Variants in XDH observed in about 807,000 individuals in gnomAD.
XDH encodes xanthine dehydrogenase, also known as xanthine dehydrogenase/oxidase.
XDH carries 138 observed loss-of-function variants against 156.1 expected under a neutral mutation model. The observed-to-expected ratio is 0.88, with a 90% CI of 0.77 to 1.02. XDH has a LOEUF of 1.02. Ranked by LOEUF, XDH falls within the 50% of genes least tolerant of loss-of-function variation. The probability of loss-of-function intolerance (pLI) is 0.00; values close to 1 mark genes in which losing one functional copy is unlikely to be tolerated. For missense variants in XDH, 1,849 were observed against 1,684.9 expected, an observed-to-expected ratio of 1.10 and a Z score of -1.71; for synonymous variants, 669 against 625.7, an observed-to-expected ratio of 1.07 and a Z score of -1.03.
At position 31,350,179 on chromosome 2, in the gene XDH, G is replaced by A. The variant is rs200911206; in HGVS notation, c.2676C>T (p.Ile892=). ...ALFHMDNCYK[I]PNIRGTGRLC... ...GCCGCCCAGTGCCCCGGATGTTGGG[G>A]ATTTTATAGCAGTTGTCCATGTGGA... is the stretch of plus-strand genomic sequence containing the variant. Residue 892 remains isoleucine, a synonymous_variant, in exon 25 of 36, where the codon ATC becomes ATT. Coordinates refer to ENST00000379416, the MANE Select transcript of XDH (RefSeq NM_000379.4). 20 of 1,614,178 alleles carry A rather than the reference G, an allele frequency of 1.2e-5. No homozygotes were observed. In the African/African-American group the frequency reaches 2.7e-4, roughly 22 times the overall value.
At chr2:31,382,685 G>T (rs1037593102) in intron 11 of XDH, among the ~76,000 whole-genome samples, 4 of 152,308 alleles carry the variant, frequency 2.6e-5, no homozygotes, top group East Asian at 3.9e-4. Flanking sequence ...GCTCAGGAAG[G>T]GGGAGGGAGG....
Position 31,337,820 on chromosome 2 carries a change from GAA to G in XDH, c.3775-5_3775-4del, listed in dbSNP as rs1685007873. ...AAGAGGGGCGGCTCTCCAACAGCCTGAACACAGACAGGGCACAGGGCAGGGGC... is the reference window on the plus strand; with the variant it reads ...AAGAGGGGCGGCTCTCCAACAGCCTGCACAGACAGGGCACAGGGCAGGGGC... On this transcript the variant is annotated splice_region_variant and splice_polypyrimidine_tract_variant and intron_variant, in intron 34 of 35. Transcript: ENST00000379416. 6.2e-7 allele frequency: 1 copy of G among 1,613,790 alleles called. No individual in the cohort carries two copies. The highest frequency in any genetic ancestry group is 8.5e-7 in the Non-Finnish European group (1 of 1,179,952).
Position 31,335,817 on chromosome 2 carries a change from C to A in XDH, c.*141G>T. 3.1e-6 allele frequency: 3 copies of A among 966,070 alleles called. No individual in the cohort carries two copies. The South Asian group carries it at 4.1e-5, about 13-fold the overall frequency. 59.8% of individuals were successfully genotyped at this position (966,070 alleles called of 1,614,324 possible). On this transcript the variant is annotated 3_prime_UTR_variant, in exon 36 of 36. Coordinates refer to ENST00000379416, the MANE Select transcript of XDH (RefSeq NM_000379.4). Reference sequence around the variant, plus strand: ...TTTGATCAAAATCTTCCATTGCATTCACTTGTCTTCCAAATCCCATCTTGA... The same window carrying A: ...TTTGATCAAAATCTTCCATTGCATTAACTTGTCTTCCAAATCCCATCTTGA...
chr2:31,404,961 G>T (rs751059195), intron 2 of XDH, among the ~76,000 whole-genome samples: 1 of 152,180 alleles, frequency 6.6e-6, no homozygotes, highest in African/African-American at 2.4e-5. Flanking sequence ...AGACACCCCC[G>T]CTAGGAGAAG....
At chr2:31,360,223 C>T (rs1685740679) in intron 24 of XDH, among the ~76,000 whole-genome samples, 1 of 152,234 alleles carries the variant, frequency 6.6e-6, no homozygotes, top group Non-Finnish European at 1.5e-5. Context: ...GTCGGCCGGG[C>T]AAGGTGGCTC....
intron 26 of XDH, 79 bp downstream of exon 26, chr2:31,349,607 C>T: frequency 1.3e-6 from 2 of 1,504,264 alleles, no homozygotes; most frequent in South Asian, 2.3e-5. Context: ...GAATTATTAG[C>T]TTCCTATATG....
chr2:31,375,338 A>T (rs750686522), intron 15 of XDH, 42 bp downstream of exon 15: 16 of 1,613,514 alleles, frequency 9.9e-6, no homozygotes, highest in Non-Finnish European at 1.2e-5. Flanking sequence ...TATATCCCCA[A>T]ACATGCTACA....
intron 24 of XDH, among the ~76,000 whole-genome samples, chr2:31,351,636 C>T (rs1216894165): frequency 1.3e-5 from 2 of 152,232 alleles, no homozygotes; most frequent in Non-Finnish European, 2.9e-5. Context: ...AAATTTTACT[C>T]CCTCATTTTG....
Position 31,370,424 on chromosome 2 carries a change from G to A in XDH, c.1911C>T (p.Ser637=), listed in dbSNP as rs142197675. The A allele has an allele frequency of 9.0e-5, 145 of 1,614,066 alleles. No individual in the cohort carries two copies. In the African/African-American group the frequency reaches 1.5e-3, roughly 17 times the overall value. The change falls in exon 18 of 36, where the codon TCC becomes TCT. Residue 637 remains serine, a synonymous_variant. Transcript: ENST00000379416. ...TGTTACTCCCAGGAACATCATCAGCGGAAATGAAACAAACAAACCCTGGAA... is the reference window on the plus strand; with the variant it reads ...TGTTACTCCCAGGAACATCATCAGCAGAAATGAAACAAACAAACCCTGGAA... ...KKVPGFVCFI[S]ADDVPGSNIT...
intron 24 of XDH, among the ~76,000 whole-genome samples, chr2:31,361,552 A>G (rs568866889): frequency 6.6e-6 from 1 of 152,314 alleles, no homozygotes; most frequent in Admixed American, 6.5e-5. Context: ...AAGCAGAACA[A>G]AAAACAGAAA....
chr2:31,397,653 G>A lies in XDH; in HGVS notation c.495+15C>T, dbSNP rs183572308. ...TTAGAAGCAGAGACACTGATGTTCT[G>A]GGGTCCCCACTTACCCTGGCAAAGG... On this transcript the variant is annotated intron_variant, in intron 6 of 35. Transcript: ENST00000379416. 3,326 of 1,614,112 alleles carry A rather than the reference G, an allele frequency of 2.1e-3. 18 individuals carry two copies. Among genetic ancestry groups the A allele is most frequent in the Non-Finnish European group, 1.6e-3 (1,903 of 1,179,982 alleles).
rs1334076746 is a variant in XDH at position 31,337,790 on chromosome 2, C to T, written c.3802G>A (p.Ala1268Thr). 2.5e-6 allele frequency: 4 copies of T among 1,614,002 alleles called. No individual in the cohort carries two copies. The highest frequency in any genetic ancestry group is 1.3e-5 in the African/African-American group (1 of 74,904). ...TTGATGGCAAAGAAGATAGAAGCAG[C>T]CAGGAAGAGGGGCGGCTCTCCAACA... is the stretch of plus-strand genomic sequence containing the variant. The part of the protein sequence containing the change: ...KAVGEPPLFL[A>T]ASIFFAIKDA... The change falls in exon 35 of 36, where the codon GCT (alanine) becomes ACT (threonine). Residue 1268 changes from alanine to threonine, a missense_variant. Physicochemically the swap from Ala to Thr is moderately conservative, Grantham distance 58. Transcript: ENST00000379416.
intron 3 of XDH, among the ~76,000 whole-genome samples, chr2:31,402,775 T>C (rs1209229716): frequency 6.6e-6 from 1 of 152,092 alleles, no homozygotes; most frequent in African/African-American, 2.4e-5. Context: ...CTGGGGGCAA[T>C]GAAGAGCTAT....
chr2:31,393,532 C>A (rs1245711434), intron 6 of XDH, among the ~76,000 whole-genome samples: 1 of 152,160 alleles, frequency 6.6e-6, no homozygotes, highest in Non-Finnish European at 1.5e-5. Flanking sequence ...TTCTTGTAGA[C>A]AACATATAGT....
chr2:31,348,960 C>G lies in XDH; in HGVS notation c.2990G>C (p.Arg997Thr), dbSNP rs1685376959. The change falls in exon 27 of 36, where the codon AGA becomes ACA. Residue 997 changes from arginine to threonine, a missense_variant. Transcript: ENST00000379416. Reference protein sequence around the residue: ...KFNKENCWKKRGLCIIPTKFG... With the variant: ...KFNKENCWKKTGLCIIPTKFG... Reference sequence around the variant, plus strand: ...CTTGGTGGGAATTATGCACAATCCTCTCTTTTTCCAACAATTCTCCCTAGA... The same window carrying G: ...CTTGGTGGGAATTATGCACAATCCTGTCTTTTTCCAACAATTCTCCCTAGA... 2 of 1,613,530 alleles carry G rather than the reference C, an allele frequency of 1.2e-6. No individual in the cohort carries two copies. The highest frequency in any genetic ancestry group is 1.7e-6 in the Non-Finnish European group (2 of 1,179,372).
At chr2:31,408,086 A>G (rs1156965858) in intron 1 of XDH, among the ~76,000 whole-genome samples, 1 of 152,154 alleles carries the variant, frequency 6.6e-6, no homozygotes, top group African/African-American at 2.4e-5. Flanking sequence ...GGTAACATCC[A>G]AGTTCCTTAG....
At chr2:31,365,160 G>A (rs550679638) in intron 23 of XDH, among the ~76,000 whole-genome samples, 3 of 152,270 alleles carry the variant, frequency 2.0e-5, no homozygotes, top group East Asian at 3.9e-4. Context: ...TACCAAGCGC[G>A]ATGGTTTACC....
chr2:31,342,604 G>T (rs1685157658), intron 31 of XDH, among the ~76,000 whole-genome samples: 1 of 152,094 alleles, frequency 6.6e-6, no homozygotes, highest in Non-Finnish European at 1.5e-5. Flanking sequence ...GATCCATCTG[G>T]GCTCACGAAG....
intron 6 of XDH, among the ~76,000 whole-genome samples, chr2:31,390,120 T>C (rs1221259141): frequency 6.6e-6 from 1 of 152,216 alleles, no homozygotes; most frequent in Non-Finnish European, 1.5e-5. Flanking sequence ...CCTTATGATA[T>C]CTTACAGAAA....
Sources: allele counts gnomAD v4.1 joint callset (sites outside exome capture counted in the v4.1 genomes callset), GRCh38; gene constraint gnomAD v4.1.1; transcripts MANE v1.5; gene names NCBI Gene and HGNC (gene_info 2026-07-23, HGNC 2026-07-21).